RSBN1L: variants seen among roughly 807,000 people sequenced by gnomAD.
RSBN1L encodes round spermatid basic protein 1 like.
RSBN1L carries 30 observed loss-of-function variants against 67.7 expected under a neutral mutation model. The ratio of observed to expected loss-of-function variants is 0.44; its 90% CI spans 0.33 to 0.60. The LOEUF is 0.60. RSBN1L is among the 20% of genes least tolerant of loss of function. RSBN1L has a pLI of 0.02. For missense variants in RSBN1L, 992 were observed against 1,031.7 expected (o/e 0.96, Z 0.53); for synonymous variants, 433 against 387.0 (o/e 1.12, Z -1.39).
At chr7:77,761,375 C>T (rs1791695238) in intron 3 of RSBN1L, among the ~76,000 whole-genome samples, 1 of 152,154 alleles carries the variant, frequency 6.6e-6, no homozygotes. Context: ...GTCTTTGTGA[C>T]ATTTACTGTG....
intron 1 of RSBN1L, among the ~76,000 whole-genome samples, chr7:77,724,742 T>C (rs1173960974): frequency 6.6e-6 from 1 of 151,916 alleles, no homozygotes; most frequent in Non-Finnish European, 1.5e-5. Flanking sequence ...CCCTTTCTAT[T>C]GTAGAAGTTT....
rs565712837 is a variant in RSBN1L, at chr7:77,698,733, G to A, written c.586+1678G>A. Among the ~76,000 whole-genome samples the A allele has an allele frequency of 1.3e-4, 20 of 152,186 alleles. No homozygotes were observed. In the South Asian group the frequency reaches 1.9e-3, roughly 14 times the overall value. On this transcript the variant is annotated intron_variant, in intron 1 of 7. Transcript: ENST00000334955. Reference sequence around the variant, plus strand: ...GTGATAGGTTTTACATTAAGATGTGGGAATGATCTTTTCCCATGACCTATG... The same window carrying A: ...GTGATAGGTTTTACATTAAGATGTGAGAATGATCTTTTCCCATGACCTATG...
Position 77,756,876 on chromosome 7 carries a change from T to C in RSBN1L, c.1344+6812T>C, listed in dbSNP as rs149241899. 5.2e-3 allele frequency among the ~76,000 whole-genome samples: 792 copies of C among 152,234 alleles called. 10 individuals are homozygous for C. Among genetic ancestry groups the C allele is most frequent in the African/African-American group, 0.018 (731 of 41,500 alleles). ...AGAGTATATATAGTAATGCTATATG[T>C]GTTTTGTATTTTCTTATATAATGAT... On this transcript the variant is annotated intron_variant, in intron 3 of 7. Coordinates refer to ENST00000334955, the MANE Select transcript of RSBN1L (RefSeq NM_198467.3).
chr7:77,768,711 AG>A lies in RSBN1L; in HGVS notation c.1534del (p.Asp512IlefsTer16). The A allele has an allele frequency of 6.2e-7, 1 of 1,613,944 alleles. No homozygotes were observed. Among genetic ancestry groups the A allele is most frequent in the Non-Finnish European group, 8.5e-7 (1 of 1,179,830 alleles). The part of the protein sequence containing the change: ...LSSLKLQSRK[D>X]SDDGPIMWVR... ...CTAGTCTAAAATTACAGAGTCGAAA[AG>A]ATAGTGATGATGGTCCCATCATGTG... On this transcript the variant is annotated frameshift_variant, in exon 5 of 8. Transcript: ENST00000334955. LOFTEE classifies it high-confidence loss of function.
chr7:77,759,682 T>C, intron 3 of RSBN1L: 1 of 152,198 alleles, frequency 6.6e-6, no homozygotes, highest in Admixed American at 6.5e-5. Context: ...TTCACATTGG[T>C]GCTGATACAA....
intron 1 of RSBN1L, among the ~76,000 whole-genome samples, chr7:77,731,523 A>G (rs1343489482): frequency 1.3e-5 from 2 of 152,206 alleles, no homozygotes; most frequent in Admixed American, 6.5e-5. Context: ...GGCTTGAGCT[A>G]CTGTGCCCAG....
At chr7:77,709,687 A>G (rs2150413061) in intron 1 of RSBN1L, among the ~76,000 whole-genome samples, 1 of 151,776 alleles carries the variant, frequency 6.6e-6, no homozygotes, top group African/African-American at 2.4e-5. Flanking sequence ...CCCACCCCCT[A>G]ATTTTCCTTA....
At chr7:77,755,621 C>G (rs542031859) in intron 3 of RSBN1L, among the ~76,000 whole-genome samples, 16 of 152,018 alleles carry the variant, frequency 1.1e-4, no homozygotes, top group African/African-American at 3.4e-4. Flanking sequence ...GAACCGAGAT[C>G]GCGCCATTGC....
chr7:77,770,034 T>G (rs1280408665), intron 5 of RSBN1L, among the ~76,000 whole-genome samples: 3 of 152,218 alleles, frequency 2.0e-5, no homozygotes, highest in African/African-American at 7.2e-5. Flanking sequence ...TCTGAATGCC[T>G]GTCAGTAGGG....
intron 1 of RSBN1L, among the ~76,000 whole-genome samples, chr7:77,706,797 A>C (rs990764087): frequency 3.9e-5 from 6 of 152,214 alleles, no homozygotes; most frequent in African/African-American, 1.4e-4. Flanking sequence ...CCACTTGCAC[A>C]GTGCTTGTAG....
chr7:77,752,745 A>G (rs1791570211), intron 3 of RSBN1L, among the ~76,000 whole-genome samples: 1 of 152,212 alleles, frequency 6.6e-6, no homozygotes, highest in South Asian at 2.1e-4. Flanking sequence ...AAAAAGCCAA[A>G]TATTGTTAAT....
At chr7:77,759,071 T>G (rs996851839) in intron 3 of RSBN1L, among the ~76,000 whole-genome samples, 6 of 152,236 alleles carry the variant, frequency 3.9e-5, no homozygotes, top group Admixed American at 3.9e-4. Context: ...ATGAAACTTA[T>G]TAAATCTGAT....
chr7:77,696,658 C>T lies in RSBN1L; in HGVS notation c.189C>T (p.Gly63=), dbSNP rs1302266648. 2 of 1,612,320 alleles carry T rather than the reference C, an allele frequency of 1.2e-6. No homozygotes were observed. The highest frequency in any genetic ancestry group is 1.7e-5 in the Admixed American group (1 of 60,008). Residue 63 remains glycine, a synonymous_variant, in exon 1 of 8, where the codon GGC becomes GGT. Transcript: ENST00000334955. ...GAGTGAACGGAGAAGGGGGCAGCGG[C>T]GGGAACAGCAGGCAGCTGCAGCCGC... ...PRRVNGEGGS[G]GNSRQLQPPA... is the part of the protein sequence containing the mutation.
intron 1 of RSBN1L, among the ~76,000 whole-genome samples, chr7:77,734,283 TACTTTA>T (rs977246943): frequency 6.6e-4 from 101 of 152,302 alleles, no homozygotes; most frequent in Non-Finnish European, 1.1e-3. Flanking sequence ...ATTAATATTA[TACTTTA>T]ATAAAATTTA....
chr7:77,739,732 AAT>A (rs1562801631), intron 2 of RSBN1L, among the ~76,000 whole-genome samples: 8 of 126,788 alleles, frequency 6.3e-5, no homozygotes, highest in East Asian at 2.3e-4. Context: ...AAAAAAAAAA[AAT>A]GTGTCTTTTT....
intron 1 of RSBN1L, among the ~76,000 whole-genome samples, chr7:77,713,971 A>T (rs2150414217): frequency 6.6e-6 from 1 of 152,286 alleles, no homozygotes. Context: ...TGTTCCAGTA[A>T]TTAGTTGTTT....
chr7:77,721,446 T>G (rs574162674), intron 1 of RSBN1L, among the ~76,000 whole-genome samples: 1 of 152,178 alleles, frequency 6.6e-6, no homozygotes, highest in Non-Finnish European at 1.5e-5. Flanking sequence ...GAGGGCAGAT[T>G]GAGCAGTTAT....
At chr7:77,746,478 T>C (rs1046662161) in intron 2 of RSBN1L, among the ~76,000 whole-genome samples, 3 of 152,140 alleles carry the variant, frequency 2.0e-5, no homozygotes, top group African/African-American at 7.2e-5. Flanking sequence ...TCAATTGTAA[T>C]TGGGGATTAC....
At chr7:77,700,855 C>A (rs865828224) in intron 1 of RSBN1L, among the ~76,000 whole-genome samples, 1 of 152,094 alleles carries the variant, frequency 6.6e-6, no homozygotes, top group African/African-American at 2.4e-5. Flanking sequence ...TCCATTTGTT[C>A]CTGTAGACAT....
Sources: gnomAD v4.1 joint callset for allele counts (sites outside exome capture counted in the v4.1 genomes callset) on GRCh38, gnomAD v4.1.1 for gene constraint, MANE v1.5 for transcripts, NCBI Gene and HGNC (gene_info 2026-07-23, HGNC 2026-07-21) for gene names.